Variants in NEO1 observed in about 807,000 individuals in gnomAD.
NEO1 encodes neogenin.
NEO1 carries 63 observed loss-of-function variants against 159.7 expected under a neutral mutation model. That is an observed-to-expected ratio of 0.39 (90% confidence interval 0.32 to 0.49). The LOEUF (loss-of-function observed/expected upper bound fraction) is 0.49. NEO1 is among the 20% of genes least tolerant of loss of function. NEO1 has a pLI of 0.85. For synonymous variants in NEO1, 633 were observed against 662.0 expected (o/e 0.96, Z 0.67); for missense variants, 1,615 against 1,831.0 (o/e 0.88, Z 2.15).
At chr15:73,253,595 A>G (rs950872582) in intron 12 of NEO1, 146 bp downstream of exon 12, 10 of 500,174 alleles carry the variant, frequency 2.0e-5, no homozygotes, top group Non-Finnish European at 3.1e-5. Context: ...TACCAAACCT[A>G]TAAATTAGAA....
chr15:73,212,609 A>T (rs1044405593), intron 7 of NEO1, among the ~76,000 whole-genome samples: 1 of 152,218 alleles, frequency 6.6e-6, no homozygotes, highest in Non-Finnish European at 1.5e-5. Flanking sequence ...TTTCTCAGGC[A>T]TTCAAATACA....
intron 2 of NEO1, among the ~76,000 whole-genome samples, chr15:73,118,500 T>C (rs911724972): frequency 6.7e-6 from 1 of 148,586 alleles, no homozygotes; most frequent in Non-Finnish European, 1.5e-5. Context: ...CAGTACTGTT[T>C]TGTTTCCTTT....
At position 73,244,442 on chromosome 15, in the gene NEO1, A is replaced by G. The variant is rs1489419620; in HGVS notation, c.1550A>G (p.Asn517Ser). ...TACATCTTTAGAGTTATGGCTCAAA[A>G]TAAGCATGGCTCAGGAGAGAGTTCA... ...TVYIFRVMAQ[N>S]KHGSGESSAP... is the part of the protein sequence containing the mutation. Residue 517 changes from asparagine to serine, a missense_variant, in exon 9 of 29, where the codon AAT becomes AGT. By Grantham distance (46) the Asn-to-Ser change is conservative (BLOSUM62 1). Coordinates refer to ENST00000261908, the MANE Select transcript of NEO1 (RefSeq NM_002499.4). 2 of 1,613,934 alleles carry G rather than the reference A, an allele frequency of 1.2e-6. No homozygotes were observed. The highest frequency in any genetic ancestry group is 2.2e-5 in the East Asian group (1 of 44,874).
At position 73,236,442 on chromosome 15, in the gene NEO1, G is replaced by A; in HGVS notation, c.1387G>A (p.Ala463Thr). ...CATCAAATTGACGTGGCGGACACCT[G>A]CATCAGATCCTCACGGAGACAACCT... is the stretch of plus-strand genomic sequence containing the variant. ...RFIKLTWRTP[A>T]SDPHGDNLTY... Residue 463 changes from alanine (A) to threonine (T), a missense_variant, in exon 8 of 29, where the codon GCA becomes ACA. This residue lies in a region of NEO1 where 1,018 missense variants were observed against 1,115.4 expected (regional missense o/e 0.91). Coordinates refer to ENST00000261908, the MANE Select transcript of NEO1 (RefSeq NM_002499.4). 4 of 1,614,136 alleles carry A rather than the reference G, an allele frequency of 2.5e-6. No individual in the cohort carries two copies. Among genetic ancestry groups the A allele is most frequent in the Non-Finnish European group, 2.5e-6 (3 of 1,180,024 alleles).
chr15:73,264,190 G>GA (rs879859504), intron 15 of NEO1, among the ~76,000 whole-genome samples: 65 of 141,524 alleles, frequency 4.6e-4, no homozygotes, highest in Middle Eastern at 7.4e-3. Flanking sequence ...TGTCTGAAAA[G>GA]AAAAAAAAAA....
rs746820454 is a variant in NEO1, at chr15:73,116,633, C to T, written c.224C>T (p.Ser75Leu). The T allele has an allele frequency of 2.5e-6, 4 of 1,613,624 alleles. No homozygotes were observed. The African/African-American group carries it at 5.3e-5, about 22-fold the overall frequency. ...GGCTCTTCTGTTATATTAAACTGTT[C>T]AGCATATTCTGAGCCTTCTCCAAAA... ...VRGSSVILNC[S>L]AYSEPSPKIE... The change falls in exon 2 of 29, where the codon TCA (serine) becomes TTA (leucine). Residue 75 changes from serine (S) to leucine (L), a missense_variant. By Grantham distance (145) the Ser-to-Leu change is moderately radical (BLOSUM62 -2). This residue lies in a region of NEO1 where 1,018 missense variants were observed against 1,115.4 expected (regional missense o/e 0.91). Transcript: ENST00000261908.
At chr15:73,273,607 G>A (rs1244333889) in intron 19 of NEO1, among the ~76,000 whole-genome samples, 1 of 152,140 alleles carries the variant, frequency 6.6e-6, no homozygotes, top group Admixed American at 6.5e-5. Flanking sequence ...GTTCCTAGGA[G>A]ATCACATCGG....
intron 7 of NEO1, among the ~76,000 whole-genome samples, chr15:73,212,688 A>G (rs1454857352): frequency 2.6e-5 from 4 of 152,206 alleles, no homozygotes; most frequent in African/African-American, 7.2e-5. Flanking sequence ...GGACCCAAAG[A>G]TAACATGTAT....
intron 5 of NEO1, among the ~76,000 whole-genome samples, chr15:73,155,282 A>G (rs1271880188): frequency 1.3e-5 from 2 of 152,070 alleles, no homozygotes; most frequent in African/African-American, 4.8e-5. Flanking sequence ...ATGCCAGCTC[A>G]TTCTCTTCTG....
At chr15:73,176,951 T>C (rs2035311296) in intron 6 of NEO1, among the ~76,000 whole-genome samples, 2 of 152,142 alleles carry the variant, frequency 1.3e-5, no homozygotes, top group South Asian at 2.1e-4. Flanking sequence ...CCTTGAAGTG[T>C]GGAAAGATGA....
chr15:73,063,924 T>C (rs1331054303), intron 1 of NEO1, among the ~76,000 whole-genome samples: 1 of 152,208 alleles, frequency 6.6e-6, no homozygotes, highest in African/African-American at 2.4e-5. Context: ...TTATTTCCTG[T>C]TAGATGTTGT....
At chr15:73,171,343 G>A (rs771684072) in intron 5 of NEO1, among the ~76,000 whole-genome samples, 4 of 151,928 alleles carry the variant, frequency 2.6e-5, no homozygotes, top group Admixed American at 6.6e-5. Context: ...TAGGAGGATC[G>A]CTTGAGCCCA....
rs151145831 is a variant in NEO1, at chr15:73,232,365, A to G, written c.1292-3982A>G. 4.9e-3 allele frequency among the ~76,000 whole-genome samples: 746 copies of G among 152,254 alleles called. 11 individuals are homozygous for G. The highest frequency in any genetic ancestry group is 0.048 in the East Asian group (250 of 5,178). ...TAGATTTTGCCCTGTGTCTGTATAGATTAGTGCTGAACCAAAGATTAGTCA... is the reference window on the plus strand; with the variant it reads ...TAGATTTTGCCCTGTGTCTGTATAGGTTAGTGCTGAACCAAAGATTAGTCA... On this transcript the variant is annotated intron_variant, in intron 7 of 28. Transcript: ENST00000261908.
At chr15:73,120,536 G>A (rs1462980541) in intron 2 of NEO1, among the ~76,000 whole-genome samples, 1 of 151,300 alleles carries the variant, frequency 6.6e-6, no homozygotes, top group Non-Finnish European at 1.5e-5. Flanking sequence ...GAAACATATT[G>A]TTTTATTCTG....
chr15:73,229,205 G>A (rs1033788647), intron 7 of NEO1, among the ~76,000 whole-genome samples: 6 of 151,858 alleles, frequency 4.0e-5, no homozygotes, highest in Non-Finnish European at 7.4e-5. Context: ...GCAATGTGTT[G>A]TAATTTTTTC....
chr15:73,176,070 G>T (rs1051253026), intron 5 of NEO1, among the ~76,000 whole-genome samples: 5 of 151,944 alleles, frequency 3.3e-5, no homozygotes, highest in African/African-American at 7.2e-5. Flanking sequence ...CTTAAAAAAT[G>T]GTATAAATCT....
At chr15:73,276,364 G>A (rs970726173) in intron 21 of NEO1, among the ~76,000 whole-genome samples, 1 of 152,202 alleles carries the variant, frequency 6.6e-6, no homozygotes, top group Admixed American at 6.5e-5. Flanking sequence ...TGGCTTAAAT[G>A]TAGCCTAGCT....
chr15:73,115,803 A>G (rs10467949), intron 1 of NEO1, among the ~76,000 whole-genome samples: 57,916 of 152,046 alleles, frequency 0.38, 12,808 homozygotes, highest in Middle Eastern at 0.51. Flanking sequence ...AAGAACTGAC[A>G]GGGACTTAGA....
At chr15:73,252,110 C>T (rs2150949852) in intron 11 of NEO1, among the ~76,000 whole-genome samples, 1 of 152,320 alleles carries the variant, frequency 6.6e-6, no homozygotes, top group Non-Finnish European at 1.5e-5. Flanking sequence ...AGGCTTGAGG[C>T]ACTTTGCTAG....
Sources: gnomAD v4.1 joint callset for allele counts (sites outside exome capture counted in the v4.1 genomes callset) on GRCh38, gnomAD v4.1.1 for gene constraint, gnomAD v4.1.1 regional missense constraint, MANE v1.5 for transcripts, NCBI Gene and HGNC (gene_info 2026-07-23, HGNC 2026-07-21) for gene names.